Variants in HOXA6 observed in about 807,000 individuals in gnomAD.
The protein encoded by HOXA6 is homeobox A6, also known as homeobox protein Hox-A6.
In HOXA6, 19 loss-of-function variants were observed where a neutral mutation model predicts 23.2. The ratio of observed to expected loss-of-function variants is 0.82; its 90% CI spans 0.57 to 1.20. The LOEUF (loss-of-function observed/expected upper bound fraction) is 1.20, where lower values mean the gene tolerates loss of function less well. Among genes scored for constraint, HOXA6 ranks in the 50% most tolerant of loss-of-function variants. HOXA6 has a pLI of 0.00. For synonymous variants in HOXA6, 140 were observed against 132.6 expected (o/e 1.06, Z -0.38); for missense variants, 346 against 313.6 (o/e 1.10, Z -0.78).
At position 27,147,429 on chromosome 7, in the gene HOXA6, G is replaced by C. The variant is rs762204914; in HGVS notation, c.321C>G (p.Pro107=). Residue 107 remains proline (P), a synonymous_variant, in exon 1 of 2, where the codon CCC becomes CCG. Transcript: ENST00000222728. Reference sequence around the variant, plus strand: ...TGCTGTCGGGTTTGTACTGCTGCTCGGGAGAAAAGTGCAGGTAGTCCCCGG... The same window carrying C: ...TGCTGTCGGGTTTGTACTGCTGCTCCGGAGAAAAGTGCAGGTAGTCCCCGG... ...RGPGDYLHFS[P]EQQYKPDSSS... 1.1e-5 allele frequency: 17 copies of C among 1,614,076 alleles called. No homozygotes were observed. The highest frequency in any genetic ancestry group is 9.3e-5 in the African/African-American group (7 of 74,934).
chr7:27,146,491 G>A (rs1782773321), intron 1 of HOXA6, among the ~76,000 whole-genome samples: 1 of 152,172 alleles, frequency 6.6e-6, no homozygotes, highest in African/African-American at 2.4e-5. Flanking sequence ...GGATGTTAAT[G>A]GAAAACATTA....
At position 27,145,632 on chromosome 7, in the gene HOXA6, C is replaced by A. The variant is rs775937133; in HGVS notation, c.*26G>T. 1 of 1,604,002 alleles carries A rather than the reference C, an allele frequency of 6.2e-7. No homozygotes were observed. Among genetic ancestry groups the A allele is most frequent in the Admixed American group, 1.7e-5 (1 of 59,674 alleles). Reference sequence around the variant, plus strand: ...GGGGCAAAGCCGAAGGAGGTTGCAGCGCTGGCCTGGTCCCTGCCCAGGCAT... The same window carrying A: ...GGGGCAAAGCCGAAGGAGGTTGCAGAGCTGGCCTGGTCCCTGCCCAGGCAT... On this transcript the variant is annotated 3_prime_UTR_variant, in exon 2 of 2. Coordinates refer to ENST00000222728, the MANE Select transcript of HOXA6 (RefSeq NM_024014.4).
In HOXA6 at chr7:27,145,703, G is replaced by C. The variant is rs1782734423; in HGVS notation, c.657C>G (p.Ser219=). ...CTGAGTCCTCCCCGCTGGGCTGCGT[G>C]GAATTGATGAGCTTGTTTTCCTTTT... ...KWKKENKLIN[S]TQPSGEDSEA... The change falls in exon 2 of 2, where the codon TCC becomes TCG. Residue 219 remains serine, a synonymous_variant. Transcript: ENST00000222728. 11 of 1,614,202 alleles carry C rather than the reference G, an allele frequency of 6.8e-6. No individual in the cohort carries two copies. The highest frequency in any genetic ancestry group is 9.3e-6 in the Non-Finnish European group (11 of 1,180,030).
At position 27,145,466 on chromosome 7, in the gene HOXA6, T is replaced by G. The variant is rs998857390; in HGVS notation, c.*192A>C. The G allele has an allele frequency of 1.1e-4, 78 of 686,316 alleles. 1 individual carries two copies. The highest frequency in any genetic ancestry group is 8.2e-4 in the Middle Eastern group (2 of 2,426). 42.5% of individuals were successfully genotyped at this position (686,316 alleles called of 1,614,324 possible). A position where few individuals can be genotyped will look rare whatever the true frequency, so the allele number is the denominator to read the frequency against. On this transcript the variant is annotated 3_prime_UTR_variant, in exon 2 of 2. Coordinates refer to ENST00000222728, the MANE Select transcript of HOXA6 (RefSeq NM_024014.4). Reference sequence around the variant, plus strand: ...TGTGAGGTTTTGTTTTGTTTTGTTTTGTTTTGTTTTGTTTTGTTTTGTTTT... The same window carrying G: ...TGTGAGGTTTTGTTTTGTTTTGTTTGGTTTTGTTTTGTTTTGTTTTGTTTT...
At position 27,147,752 on chromosome 7, in the gene HOXA6, G is replaced by A. The variant is rs752270376; in HGVS notation, c.-3C>T. On this transcript the variant is annotated 5_prime_UTR_variant, in exon 1 of 2. Transcript: ENST00000222728. The stretch of plus-strand genomic sequence containing the variant: ...GGATTCACAAAATAGGAACTCATTT[G>A]CGCGCCCCTCTGCAGGACTGTGATT... The A allele has an allele frequency of 6.2e-7, 1 of 1,603,268 alleles. No individual in the cohort carries two copies.
intron 1 of HOXA6, among the ~76,000 whole-genome samples, 171 bp from the exon 2 acceptor site, chr7:27,146,088 C>T (rs1253524688): frequency 1.3e-5 from 2 of 152,200 alleles, no homozygotes; most frequent in East Asian, 3.9e-4. Context: ...TATTTCATAC[C>T]AAGCGAGATG....
chr7:27,147,058 G>T (rs1261424934), intron 1 of HOXA6: 1 of 554,348 alleles, frequency 1.8e-6, no homozygotes, highest in African/African-American at 1.9e-5. Context: ...TCTCATATAC[G>T]TGCCAGTGCC....
chr7:27,145,960 A>T (rs1782746956), intron 1 of HOXA6, 43 bp from the exon 2 acceptor site: 1 of 1,588,582 alleles, frequency 6.3e-7, no homozygotes, highest in Admixed American at 1.7e-5. Flanking sequence ...CAGGGCCTGG[A>T]GGGTTGACCC....
At chr7:27,146,153 C>T (rs1782757151) in intron 1 of HOXA6, among the ~76,000 whole-genome samples, 1 of 152,152 alleles carries the variant, frequency 6.6e-6, no homozygotes, top group South Asian at 2.1e-4. Flanking sequence ...AAATCTGCCT[C>T]ATAGGAAAAC....
chr7:27,145,563 T>G lies in HOXA6; in HGVS notation c.*95A>C, dbSNP rs1201667165. The G allele has an allele frequency of 6.7e-7, 1 of 1,489,020 alleles. No homozygotes were observed. Among genetic ancestry groups the G allele is most frequent in the African/African-American group, 1.4e-5 (1 of 71,648 alleles). 92.2% of individuals were successfully genotyped at this position (1,489,020 alleles called of 1,614,324 possible). On this transcript the variant is annotated 3_prime_UTR_variant, in exon 2 of 2. Coordinates refer to ENST00000222728, the MANE Select transcript of HOXA6 (RefSeq NM_024014.4). ...CCCTGAAGCTGCGGAAGCCCCCAGA[T>G]GGGAGCAGGCGGGGAGAAAAGTTGG...
chr7:27,146,885 G>A (rs1238779439), intron 1 of HOXA6, among the ~76,000 whole-genome samples: 1 of 152,232 alleles, frequency 6.6e-6, no homozygotes, highest in Non-Finnish European at 1.5e-5. Flanking sequence ...ACGGGTTTCT[G>A]AAGGGCAGAA....
At position 27,147,646 on chromosome 7, in the gene HOXA6, A is replaced by C. The variant is rs750229263; in HGVS notation, c.104T>G (p.Leu35Arg). The change falls in exon 1 of 2, where the codon CTG (leucine) becomes CGG (arginine). Residue 35 changes from leucine (L) to arginine (R), a missense_variant. By Grantham distance (102) the Leu-to-Arg change is moderately radical (BLOSUM62 -2). Coordinates refer to ENST00000222728, the MANE Select transcript of HOXA6 (RefSeq NM_024014.4). ...LPLYQAGYDA[L>R]RPFPASYGAS... ...CCCGTACGAGGCCGGGAAGGGCCTCAGCGCGTCATAGCCAGCCTGGTAGAG... is the reference window on the plus strand; with the variant it reads ...CCCGTACGAGGCCGGGAAGGGCCTCCGCGCGTCATAGCCAGCCTGGTAGAG... The C allele has an allele frequency of 1.2e-6, 2 of 1,614,208 alleles. No homozygotes were observed. Among genetic ancestry groups the C allele is most frequent in the South Asian group, 2.2e-5 (2 of 91,090 alleles).
At position 27,145,453 on chromosome 7, in the gene HOXA6, T is replaced by C; in HGVS notation, c.*205A>G. The C allele has an allele frequency of 1.3e-5, 1 of 79,228 alleles. No homozygotes were observed. Among genetic ancestry groups the C allele is most frequent in the Admixed American group, 1.6e-4 (1 of 6,194 alleles). 4.9% of individuals were successfully genotyped at this position (79,228 alleles called of 1,614,324 possible). A position where few individuals can be genotyped will look rare whatever the true frequency, so the allele number is the denominator to read the frequency against. On this transcript the variant is annotated 3_prime_UTR_variant, in exon 2 of 2. Transcript: ENST00000222728. ...GGTATTGGCTGTGTGTGAGGTTTTG[T>C]TTTGTTTTGTTTTGTTTTGTTTTGT...
In HOXA6 at chr7:27,145,510, G is replaced by A. The variant is rs1782726594; in HGVS notation, c.*148C>T. 1.1e-6 allele frequency: 1 copy of A among 891,580 alleles called. No individual in the cohort carries two copies. The highest frequency in any genetic ancestry group is 1.6e-5 in the South Asian group (1 of 61,386). The allele number at this position is 891,580 out of a possible 1,614,324, so 55.2% of individuals were successfully genotyped here. ...TTGTTTTGTTTTGTAAGAAATAAAT[G>A]CACAGACGCTTGCAAAGCTCCGGGC... On this transcript the variant is annotated 3_prime_UTR_variant, in exon 2 of 2. Transcript: ENST00000222728.
rs556681494 is a variant in HOXA6 at position 27,146,983 on chromosome 7, G to A, written c.442+325C>T. On this transcript the variant is annotated intron_variant, in intron 1 of 1. Coordinates refer to ENST00000222728, the MANE Select transcript of HOXA6 (RefSeq NM_024014.4). ...TTGGGAAGCTGAGCAGGGTACTCAG[G>A]GTGCATGGACAGGCTGTCCCTCCCC... Among the ~76,000 whole-genome samples, 4 of 152,190 alleles carry A rather than the reference G, an allele frequency of 2.6e-5. No homozygotes were observed. In the East Asian group the frequency reaches 7.7e-4, roughly 29 times the overall value.
At chr7:27,147,011 C>A (rs1046844018) in intron 1 of HOXA6, among the ~76,000 whole-genome samples, 1 of 152,126 alleles carries the variant, frequency 6.6e-6, no homozygotes, top group African/African-American at 2.4e-5. Flanking sequence ...CCCTCCCCAC[C>A]AGCCTCTCTC....
rs1456977215 is a variant in HOXA6, at chr7:27,145,685, C to T, written c.675G>A (p.Glu225=). The change falls in exon 2 of 2, where the codon GAG becomes GAA. Residue 225 remains glutamate (E), a synonymous_variant. Transcript: ENST00000222728. ...ACTCGCCCGCCTTTGCCTCTGAGTC[C>T]TCCCCGCTGGGCTGCGTGGAATTGA... ...KLINSTQPSG[E]DSEAKAGE The T allele has an allele frequency of 2.5e-5, 41 of 1,613,946 alleles. 1 individual carries two copies. In the Admixed American group the frequency reaches 6.8e-4, roughly 27 times the overall value.
At chr7:27,147,281 C>T in intron 1 of HOXA6, 27 bp downstream of exon 1, 1 of 1,584,614 alleles carries the variant, frequency 6.3e-7, no homozygotes. Flanking sequence ...TTCCCCTCTC[C>T]CTCCACTGTC....
In HOXA6 at chr7:27,145,493, T is replaced by C; in HGVS notation, c.*165A>G. 1 of 757,860 alleles carries C rather than the reference T, an allele frequency of 1.3e-6. No homozygotes were observed. The highest frequency in any genetic ancestry group is 2.1e-6 in the Non-Finnish European group (1 of 484,314). 46.9% of individuals were successfully genotyped at this position (757,860 alleles called of 1,614,324 possible). A position where few individuals can be genotyped will look rare whatever the true frequency, so the allele number is the denominator to read the frequency against. Reference sequence around the variant, plus strand: ...TTTTGTTTTGTTTTGTTTTGTTTTGTTTTGTAAGAAATAAATGCACAGACG... The same window carrying C: ...TTTTGTTTTGTTTTGTTTTGTTTTGCTTTGTAAGAAATAAATGCACAGACG... On this transcript the variant is annotated 3_prime_UTR_variant, in exon 2 of 2. Transcript: ENST00000222728.
Sources: gnomAD v4.1 joint callset for allele counts (sites outside exome capture counted in the v4.1 genomes callset) on GRCh38, gnomAD v4.1.1 for gene constraint, MANE v1.5 for transcripts, NCBI Gene and HGNC (gene_info 2026-07-23, HGNC 2026-07-21) for gene names.